The following XPO1 variants were observed in gnomAD, a reference collection of about 807,000 sequenced individuals.
XPO1 encodes the protein exportin-1.
In XPO1, 5 loss-of-function variants were observed where a neutral mutation model predicts 133.3. The observed-to-expected ratio is 0.04, with a 90% confidence interval of 0.02 to 0.08. The LOEUF is 0.08. XPO1 is among the 10% of genes least tolerant of loss of function. The pLI is 1.00. For synonymous variants in XPO1, 419 were observed against 408.2 expected, an observed-to-expected ratio of 1.03 and a Z score of -0.32; for missense variants, 506 against 1,267.5, an observed-to-expected ratio of 0.40 and a Z score of 9.12.
At chr2:61,522,714 A>T in intron 3 of XPO1, 31 bp from the exon 4 acceptor site, 1 of 1,501,434 alleles carries the variant, frequency 6.7e-7, no homozygotes, top group African/African-American at 1.4e-5. Context: ...GCATGTGAAT[A>T]TATTGCTTAT....
At chr2:61,525,418 A>G in intron 3 of XPO1, 1 of 998,004 alleles carries the variant, frequency 1.0e-6, no homozygotes, top group Non-Finnish European at 1.2e-6. Context: ...ATGATTGCAT[A>G]AAAGCCAAAT....
At position 61,498,658 on chromosome 2, in the gene XPO1, A is replaced by G. The variant is rs2104488480; in HGVS notation, c.759+15T>C. The G allele has an allele frequency of 6.2e-7, 1 of 1,611,440 alleles. No homozygotes were observed. Among genetic ancestry groups the G allele is most frequent in the Non-Finnish European group, 8.5e-7 (1 of 1,179,078 alleles). On this transcript the variant is annotated intron_variant, in intron 9 of 24. Coordinates refer to ENST00000401558, the MANE Select transcript of XPO1 (RefSeq NM_003400.4). ...GGCTATCCGGTGACAAATAACTGAA[A>G]TGTATTCACTGTACCTTATAAATCA...
chr2:61,511,773 T>G (rs1698109994), intron 4 of XPO1, among the ~76,000 whole-genome samples: 1 of 151,986 alleles, frequency 6.6e-6, no homozygotes, highest in African/African-American at 2.4e-5. Flanking sequence ...TTTTTTTTCT[T>G]TTTGAGACGG....
chr2:61,507,469 G>C lies in XPO1; in HGVS notation c.302-5159C>G, dbSNP rs182224425. On this transcript the variant is annotated intron_variant, in intron 4 of 24. Transcript: ENST00000401558. ...CGTGCCTATACTCCTAGCTACTTGG[G>C]CTGTGGCAGAATTCTACCCATCACC... 2.0e-5 allele frequency among the ~76,000 whole-genome samples: 3 copies of C among 152,048 alleles called. No homozygotes were observed. The East Asian group carries it at 5.8e-4, about 29-fold the overall frequency.
At chr2:61,484,167 GGAAA>G in intron 20 of XPO1, 62 bp from the exon 21 acceptor site, 1 of 1,400,000 alleles carries the variant, frequency 7.1e-7, no homozygotes, top group Non-Finnish European at 1.0e-6. Flanking sequence ...AGACAGGAGG[GGAAA>G]AGCAAGGCTT....
At chr2:61,509,312 T>C (rs894806640) in intron 4 of XPO1, among the ~76,000 whole-genome samples, 2 of 151,964 alleles carry the variant, frequency 1.3e-5, no homozygotes, top group African/African-American at 4.8e-5. Flanking sequence ...ACCCCAAATC[T>C]GCAAGTTTTA....
chr2:61,534,124 C>T (rs779425346), intron 1 of XPO1: 33 of 395,348 alleles, frequency 8.3e-5, no homozygotes, highest in Non-Finnish European at 1.3e-4. Flanking sequence ...TTCAACTTTT[C>T]TAGTGTTTAG....
intron 21 of XPO1, 29 bp downstream of exon 21, chr2:61,483,908 A>C: frequency 6.2e-7 from 1 of 1,604,998 alleles, no homozygotes; most frequent in Non-Finnish European, 8.5e-7. Context: ...ATTGGCAGGC[A>C]AATGAATAAA....
chr2:61,499,624 G>A, intron 7 of XPO1, 89 bp downstream of exon 7: 1 of 1,261,754 alleles, frequency 7.9e-7, no homozygotes, highest in South Asian at 1.6e-5. Context: ...ACTGATCATA[G>A]TTCCTTAAAA....
intron 24 of XPO1, chr2:61,480,549 G>C (rs1211635569): frequency 6.6e-6 from 1 of 151,740 alleles, no homozygotes; most frequent in African/African-American, 2.4e-5. Context: ...CCAAAGTGCT[G>C]GGATTACAGG....
chr2:61,519,181 C>G (rs1055663799), intron 4 of XPO1, among the ~76,000 whole-genome samples: 1 of 152,114 alleles, frequency 6.6e-6, no homozygotes, highest in Non-Finnish European at 1.5e-5. Context: ...AAACTCCTGA[C>G]CTCGTTATCT....
intron 3 of XPO1, 148 bp from the exon 4 acceptor site, chr2:61,522,831 T>A: frequency 1.6e-6 from 1 of 639,678 alleles, no homozygotes; most frequent in South Asian, 1.9e-5. Flanking sequence ...ATTAAACAAG[T>A]ATCTATTCAC....
Position 61,537,989 on chromosome 2 carries a change from C to A in XPO1, c.-434G>T. 2 of 160,522 alleles carry A rather than the reference C, an allele frequency of 1.2e-5. No homozygotes were observed. Among genetic ancestry groups the A allele is most frequent in the South Asian group, 3.5e-4 (2 of 5,660 alleles). 9.9% of individuals were successfully genotyped at this position (160,522 alleles called of 1,614,324 possible). On this transcript the variant is annotated 5_prime_UTR_variant, in exon 1 of 25. Coordinates refer to ENST00000401558, the MANE Select transcript of XPO1 (RefSeq NM_003400.4). ...AGACGCTCTGCTGCCAGTTGCAGTC[C>A]GACTCCCCCCTACCAAAACACGGCT...
intron 4 of XPO1, among the ~76,000 whole-genome samples, chr2:61,508,840 A>G (rs1341661537): frequency 6.6e-6 from 1 of 152,192 alleles, no homozygotes; most frequent in Non-Finnish European, 1.5e-5. Context: ...TTTCAACCAA[A>G]TAAGGATCTG....
intron 21 of XPO1, 192 bp from the exon 22 acceptor site, chr2:61,483,283 T>G: frequency 1.9e-6 from 1 of 531,794 alleles, no homozygotes; most frequent in Non-Finnish European, 3.2e-6. Flanking sequence ...GGCTTACTTA[T>G]AAATTATAAT....
intron 23 of XPO1, 119 bp downstream of exon 23, chr2:61,482,261 C>T: frequency 1.3e-6 from 1 of 785,348 alleles, no homozygotes; most frequent in Non-Finnish European, 1.8e-6. Context: ...CTAGGTTGGT[C>T]TCCAACTTTT....
intron 9 of XPO1, among the ~76,000 whole-genome samples, chr2:61,498,421 A>C (rs769212658): frequency 6.6e-5 from 10 of 152,238 alleles, no homozygotes; most frequent in Non-Finnish European, 8.8e-5. Flanking sequence ...ACTTACTCAA[A>C]CTAAAAGCAA....
intron 12 of XPO1, chr2:61,493,658 C>CT: frequency 2.3e-6 from 1 of 428,184 alleles, no homozygotes. Context: ...GGCAGGTGGC[C>CT]AATGAATTTG....
At chr2:61,516,614 A>G (rs935444986) in intron 4 of XPO1, among the ~76,000 whole-genome samples, 1 of 151,682 alleles carries the variant, frequency 6.6e-6, no homozygotes, top group East Asian at 2.0e-4. Flanking sequence ...GGGTTTCTCC[A>G]TGTTGGTCAG....
Sources: gnomAD v4.1 joint callset for allele counts (sites outside exome capture counted in the v4.1 genomes callset) on GRCh38, gnomAD v4.1.1 for gene constraint, MANE v1.5 for transcripts, NCBI Gene and HGNC (gene_info 2026-07-23, HGNC 2026-07-21) for gene names.